The following TNIP3 variants were observed in gnomAD, a reference collection of about 807,000 sequenced individuals.
TNIP3 encodes TNFAIP3-interacting protein 3.
TNIP3 carries 34 observed loss-of-function variants against 54.1 expected under a neutral mutation model. That is an observed-to-expected ratio of 0.63 (90% CI 0.48 to 0.84). TNIP3 has a LOEUF of 0.84. Ranked by LOEUF, TNIP3 falls within the 40% of genes least tolerant of loss-of-function variation. The pLI is 0.00. For synonymous variants in TNIP3, 134 were observed against 136.8 expected (o/e 0.98, Z 0.14); for missense variants, 366 against 387.6 (o/e 0.94, Z 0.47).
chr4:121,156,842 C>A (rs1423667156), intron 4 of TNIP3, among the ~76,000 whole-genome samples: 1 of 152,100 alleles, frequency 6.6e-6, no homozygotes, highest in East Asian at 1.9e-4. Flanking sequence ...CTGGAAGGGA[C>A]TGGGGAATGA....
rs1730624735 is a variant in TNIP3 at position 121,164,112 on chromosome 4, A to G, written c.14T>C (p.Val5Ala). MAHF[V>A]QGTSRMIAAE... is the part of the protein sequence containing the mutation. The stretch of plus-strand genomic sequence containing the variant: ...GGCAATCATTCTAGATGTGCCCTGT[A>G]CAAAATGTGCCATGGAAGCTGTTTT... Residue 5 changes from valine to alanine, a missense_variant, in exon 1 of 11, where the codon GTA (valine) becomes GCA (alanine). By Grantham distance (64) the Val-to-Ala change is moderately conservative. Coordinates refer to ENST00000057513, the MANE Select transcript of TNIP3 (RefSeq NM_024873.6). The G allele has an allele frequency of 1.9e-6, 3 of 1,613,714 alleles. No individual in the cohort carries two copies. Among genetic ancestry groups the G allele is most frequent in the South Asian group, 2.2e-5 (2 of 91,074 alleles).
intron 5 of TNIP3, among the ~76,000 whole-genome samples, chr4:121,152,051 T>C (rs917682504): frequency 4.6e-5 from 7 of 152,186 alleles, no homozygotes; most frequent in East Asian, 1.9e-4. Flanking sequence ...TTTTCTTCAA[T>C]GCAAATAAAT....
intron 2 of TNIP3, among the ~76,000 whole-genome samples, chr4:121,196,642 T>G (rs1410460658): frequency 1.3e-5 from 2 of 151,978 alleles, no homozygotes; most frequent in Non-Finnish European, 2.9e-5. Context: ...TGCTTAGTAA[T>G]ATACATTAAT....
At chr4:121,168,797 A>G (rs1730914212), upstream of TNIP3, among the ~76,000 whole-genome samples, 2 of 152,182 alleles carry the variant, frequency 1.3e-5, no homozygotes, top group Non-Finnish European at 2.9e-5. Context: ...ATGCCTTTTA[A>G]TAACTTTTTC....
chr4:121,173,449 A>G (rs1295742943), intron 3 of TNIP3, among the ~76,000 whole-genome samples: 1 of 152,230 alleles, frequency 6.6e-6, no homozygotes, highest in African/African-American at 2.4e-5. Context: ...TTCAGCCTTC[A>G]AAAACTATAG....
At chr4:121,159,048 G>C (rs1407975129) in intron 2 of TNIP3, among the ~76,000 whole-genome samples, 1 of 152,194 alleles carries the variant, frequency 6.6e-6, no homozygotes. Flanking sequence ...TTGGTGACCA[G>C]CCTGCCCAAC....
Position 121,147,098 on chromosome 4 carries a change from T to C in TNIP3, c.686A>G (p.Gln229Arg). 5 of 1,613,508 alleles carry C rather than the reference T, an allele frequency of 3.1e-6. No individual in the cohort carries two copies. The highest frequency in any genetic ancestry group is 4.2e-6 in the Non-Finnish European group (5 of 1,179,668). Residue 229 changes from glutamine to arginine, a missense_variant, in exon 7 of 11, where the codon CAG becomes CGG. Physicochemically the swap from Gln to Arg is conservative, Grantham distance 43 (BLOSUM62 1). Transcript: ENST00000057513. ...ERLNQEKEELQQINETSQSQL... is the reference protein window; with the variant it reads ...ERLNQEKEELRQINETSQSQL... The stretch of plus-strand genomic sequence containing the variant: ...GGATTGGGAAGTTTCATTAATTTGC[T>C]GTAGCTCCTCTTTCTCTTGATTAAG...
intron 2 of TNIP3, among the ~76,000 whole-genome samples, chr4:121,183,623 T>C (rs183580496): frequency 6.6e-6 from 1 of 152,340 alleles, no homozygotes; most frequent in Admixed American, 6.5e-5. Context: ...TGGCTCACAT[T>C]ACTCCCTGAG....
chr4:121,153,961 C>G (rs13126929), intron 5 of TNIP3, among the ~76,000 whole-genome samples: 37,489 of 151,942 alleles, frequency 0.25, 4,909 homozygotes, highest in African/African-American at 0.31. Context: ...TAGTTAGCGA[C>G]CCATTCCTCC....
intron 7 of TNIP3, 101 bp downstream of exon 7, chr4:121,146,948 A>C (rs1729465187): frequency 3.6e-6 from 5 of 1,384,130 alleles, no homozygotes; most frequent in South Asian, 1.6e-5. Context: ...CTTTAAAAAA[A>C]AATTCAATGT....
intron 2 of TNIP3, among the ~76,000 whole-genome samples, chr4:121,187,928 A>ATGTT (rs1284179923): frequency 6.6e-6 from 1 of 152,068 alleles, no homozygotes; most frequent in Non-Finnish European, 1.5e-5. Flanking sequence ...CACTTTTACT[A>ATGTT]TGTTTTCTTT....
upstream of TNIP3, among the ~76,000 whole-genome samples, chr4:121,168,374 T>C (rs1379800027): frequency 1.3e-5 from 2 of 151,768 alleles, no homozygotes; most frequent in Non-Finnish European, 2.9e-5. Flanking sequence ...GCCTGGCTAA[T>C]TTTTTTTGTA....
At chr4:121,181,061 A>G (rs1724668209) in intron 3 of TNIP3, among the ~76,000 whole-genome samples, 1 of 152,236 alleles carries the variant, frequency 6.6e-6, no homozygotes, top group African/African-American at 2.4e-5. Context: ...AGAGAGAGAC[A>G]TAAATTTCAG....
chr4:121,149,452 T>A (rs887148080), intron 6 of TNIP3, among the ~76,000 whole-genome samples: 8 of 152,188 alleles, frequency 5.3e-5, no homozygotes, highest in African/African-American at 1.4e-4. Flanking sequence ...AGTCCAGAGT[T>A]GGGATTAATA....
rs377222963 is a variant in TNIP3 at position 121,157,126 on chromosome 4, C to G, written c.331G>C (p.Asp111His). The G allele has an allele frequency of 1.2e-6, 2 of 1,614,022 alleles. No individual in the cohort carries two copies. The highest frequency in any genetic ancestry group is 1.7e-6 in the Non-Finnish European group (2 of 1,180,036). Residue 111 changes from aspartate to histidine, a missense_variant, in exon 4 of 11, where the codon GAC (aspartate) becomes CAC (histidine). By Grantham distance (81) the Asp-to-His change is moderately conservative. Transcript: ENST00000057513. ...CGCTGCAGCCGGTCCCGGGTCAGGT[C>G]GCGCTGCCTGTCGTCCTCTCTCTGC... is the stretch of plus-strand genomic sequence containing the variant. ...DRQREDDRQRDLTRDRLQREE... is the reference protein window; with the variant it reads ...DRQREDDRQRHLTRDRLQREE...
chr4:121,195,935 C>T (rs145965399), intron 2 of TNIP3, among the ~76,000 whole-genome samples: 239 of 152,348 alleles, frequency 1.6e-3, no homozygotes, highest in African/African-American at 3.6e-3. Flanking sequence ...TTTACACTCA[C>T]GTTGCTGATG....
upstream of TNIP3, among the ~76,000 whole-genome samples, chr4:121,220,024 C>G (rs939600222): frequency 5.3e-5 from 8 of 152,038 alleles, no homozygotes; most frequent in African/African-American, 1.9e-4. Context: ...AATTACTATC[C>G]TTGTATCCAT....
chr4:121,223,007 G>C (rs1158486399), intron 1 of TNIP3, among the ~76,000 whole-genome samples: 1 of 152,030 alleles, frequency 6.6e-6, no homozygotes, highest in Admixed American at 6.5e-5. Context: ...GGGTTTCACC[G>C]TGTTAGCCAG....
chr4:121,148,146 AGAAT>A (rs1298554154), intron 6 of TNIP3, among the ~76,000 whole-genome samples: 2 of 152,228 alleles, frequency 1.3e-5, no homozygotes, highest in Non-Finnish European at 2.9e-5. Flanking sequence ...CCATCTGATT[AGAAT>A]TAAACACTGG....
Sources: gnomAD v4.1 joint callset for allele counts (sites outside exome capture counted in the v4.1 genomes callset) on GRCh38, gnomAD v4.1.1 for gene constraint, MANE v1.5 for transcripts, NCBI Gene and HGNC (gene_info 2026-07-23, HGNC 2026-07-21) for gene names.